UTRN: variants seen among roughly 807,000 people sequenced by gnomAD.
UTRN encodes utrophin, also known as dystrophin-related protein 1.
UTRN carries 283 observed loss-of-function variants against 463.9 expected under a neutral mutation model. The observed-to-expected ratio is 0.61, with a 90% CI of 0.55 to 0.67. UTRN has a LOEUF of 0.67. Ranked by LOEUF, UTRN falls within the 30% of genes least tolerant of loss-of-function variation. The pLI is 0.00. For synonymous variants in UTRN, 1,442 were observed against 1,431.5 expected (o/e 1.01, Z -0.17); for missense variants, 3,922 against 4,084.3 (o/e 0.96, Z 1.08).
At chr6:144,679,694 G>T (rs1782014602) in intron 52 of UTRN, among the ~76,000 whole-genome samples, 5 of 152,030 alleles carry the variant, frequency 3.3e-5, no homozygotes, top group Admixed American at 3.3e-4. Flanking sequence ...TACATAAAGG[G>T]GCTCACTGGA....
chr6:144,792,213 C>A (rs927090700), intron 62 of UTRN, among the ~76,000 whole-genome samples: 8 of 152,076 alleles, frequency 5.3e-5, no homozygotes, highest in Admixed American at 3.9e-4. Context: ...TGAAATTTCA[C>A]CACTGACAGT....
chr6:144,835,772 C>T lies in UTRN; in HGVS notation c.9666-8C>T. 6.2e-7 allele frequency: 1 copy of T among 1,613,646 alleles called. No homozygotes were observed. The highest frequency in any genetic ancestry group is 1.1e-5 in the South Asian group (1 of 91,012). On this transcript the variant is annotated splice_polypyrimidine_tract_variant and splice_region_variant and intron_variant, in intron 69 of 74. Transcript: ENST00000367545. ...GAGCCTCTGGGTCTGTTTCCTTTGT[C>T]TTGCTAGGGAAGACGAGCACGCCCT...
chr6:144,671,199 A>G (rs1334153627), intron 51 of UTRN, among the ~76,000 whole-genome samples: 1 of 151,720 alleles, frequency 6.6e-6, no homozygotes. Context: ...TTTGATGGGA[A>G]TCATGTAGAA....
chr6:144,693,019 G>A (rs934862246), intron 52 of UTRN, among the ~76,000 whole-genome samples: 1 of 150,726 alleles, frequency 6.6e-6, no homozygotes, highest in Non-Finnish European at 1.5e-5. Flanking sequence ...TTTTTTTATA[G>A]TTTTGGGTTT....
chr6:144,772,999 A>G, intron 59 of UTRN, among the ~76,000 whole-genome samples: 1 of 150,994 alleles, frequency 6.6e-6, no homozygotes. Flanking sequence ...TTGGTGGGTG[A>G]AGGGGCCTGC....
intron 51 of UTRN, among the ~76,000 whole-genome samples, chr6:144,677,971 T>A (rs1781817067): frequency 5.9e-5 from 9 of 152,210 alleles, no homozygotes; most frequent in Admixed American, 5.9e-4. Context: ...CTTGTAAATA[T>A]AAGTTCCTCG....
intron 9 of UTRN, among the ~76,000 whole-genome samples, chr6:144,434,007 G>T (rs1471809688): frequency 6.6e-6 from 1 of 151,810 alleles, no homozygotes; most frequent in African/African-American, 2.4e-5. Context: ...GGATGTGGAG[G>T]TTGTAGCGAG....
At chr6:144,667,219 T>C (rs539472731) in intron 51 of UTRN, among the ~76,000 whole-genome samples, 73 of 152,104 alleles carry the variant, frequency 4.8e-4, no homozygotes, top group Admixed American at 2.4e-3. Context: ...CACACCCAGC[T>C]AATTTTTTTC....
chr6:144,363,040 A>T (rs1000736329), intron 2 of UTRN, among the ~76,000 whole-genome samples: 9 of 152,258 alleles, frequency 5.9e-5, no homozygotes, highest in African/African-American at 2.2e-4. Flanking sequence ...TTGAAATATG[A>T]TTTTGAATAA....
chr6:144,288,660 A>T (rs1803912395), intron 1 of UTRN, among the ~76,000 whole-genome samples: 1 of 152,084 alleles, frequency 6.6e-6, no homozygotes, highest in Admixed American at 6.5e-5. Context: ...TTTTAGCAGT[A>T]GTAGAGCCTA....
chr6:144,737,221 G>A (rs1789518810), intron 54 of UTRN, among the ~76,000 whole-genome samples: 1 of 152,172 alleles, frequency 6.6e-6, no homozygotes, highest in South Asian at 2.1e-4. Context: ...AGCCACTGAA[G>A]TACTTCTCAG....
rs1562685562 is a variant in UTRN, at chr6:144,635,510, TTTTCTTTTTTTTTTTTTTTCTTTTC to T, written c.7480-42892_7480-42868del. ...GTATTACTTAGCAGCTAGCCTTTTTTTTTCTTTTTTTTTTTTTTTCTTTTCTTTTTTTTTTTTTTTTTTTTTTGAG... is the reference window on the plus strand; with the variant it reads ...GTATTACTTAGCAGCTAGCCTTTTTTTTTTTTTTTTTTTTTTTTTTTTGAG... On this transcript the variant is annotated intron_variant, in intron 51 of 74. Coordinates refer to ENST00000367545, the MANE Select transcript of UTRN (RefSeq NM_007124.3). 7.5e-4 allele frequency among the ~76,000 whole-genome samples: 58 copies of T among 77,716 alleles called. 1 individual carries two copies. The highest frequency in any genetic ancestry group is 2.6e-3 in the African/African-American group (55 of 21,060). The allele number at this position is 77,716 out of a possible 152,430, so 51.0% of individuals were successfully genotyped here. A position where few individuals can be genotyped will look rare whatever the true frequency, so the allele number is the denominator to read the frequency against.
intron 33 of UTRN, among the ~76,000 whole-genome samples, chr6:144,498,642 C>T (rs1490925087): frequency 6.6e-6 from 1 of 151,330 alleles, no homozygotes; most frequent in Non-Finnish European, 1.5e-5. Context: ...GTTTTTCTCG[C>T]TTAATACACA....
intron 2 of UTRN, among the ~76,000 whole-genome samples, chr6:144,307,705 G>A (rs1004311857): frequency 6.6e-6 from 1 of 151,648 alleles, no homozygotes; most frequent in African/African-American, 2.4e-5. Flanking sequence ...TTCTGATAAT[G>A]TTTGACCCAG....
intron 34 of UTRN, among the ~76,000 whole-genome samples, chr6:144,507,308 C>T (rs151193802): frequency 1.3e-5 from 2 of 152,100 alleles, no homozygotes; most frequent in African/African-American, 4.8e-5. Flanking sequence ...TGTTCCCTTG[C>T]TAGCAAGGAG....
intron 52 of UTRN, among the ~76,000 whole-genome samples, chr6:144,694,821 A>AT (rs952407856): frequency 8.2e-5 from 12 of 146,644 alleles, no homozygotes; most frequent in Admixed American, 2.7e-4. Context: ...ATTTTATTTC[A>AT]TTTTTTTTCA....
intron 2 of UTRN, among the ~76,000 whole-genome samples, chr6:144,379,473 C>A (rs1326929998): frequency 1.3e-5 from 2 of 152,152 alleles, no homozygotes; most frequent in Non-Finnish European, 2.9e-5. Flanking sequence ...CGGTCGAAGG[C>A]CACAGTTTCT....
intron 2 of UTRN, among the ~76,000 whole-genome samples, chr6:144,321,530 C>T (rs1439854804): frequency 3.0e-5 from 4 of 134,950 alleles, no homozygotes; most frequent in South Asian, 4.7e-4. Flanking sequence ...AGTGCAGTGG[C>T]GTGATCTCGG....
In UTRN at chr6:144,607,702, A is replaced by G. The variant is rs146840137; in HGVS notation, c.7479+30414A>G. Among the ~76,000 whole-genome samples, 550 of 152,202 alleles carry G rather than the reference A, an allele frequency of 3.6e-3. 1 individual carries two copies. The highest frequency in any genetic ancestry group is 0.013 in the African/African-American group (533 of 41,518). On this transcript the variant is annotated intron_variant, in intron 51 of 74. Transcript: ENST00000367545. ...TCATCATGATCAAAATTCACCAAAA[A>G]CTTCTGTATAAACTACAGTACATTT...
Sources: allele counts gnomAD v4.1 joint callset (sites outside exome capture counted in the v4.1 genomes callset), GRCh38; gene constraint gnomAD v4.1.1; transcripts MANE v1.5; gene names NCBI Gene and HGNC (gene_info 2026-07-23, HGNC 2026-07-21).